The following SEC31B variants were observed in gnomAD, a reference collection of about 807,000 sequenced individuals.
SEC31B encodes protein transport protein Sec31B.
In SEC31B, 113 loss-of-function variants were observed where a neutral mutation model predicts 135.0. The ratio of observed to expected loss-of-function variants is 0.84; its 90% CI spans 0.72 to 0.98. The LOEUF is 0.98. Among genes scored for constraint, SEC31B ranks in the 50% least tolerant of loss-of-function variants. SEC31B has a pLI of 0.00. For synonymous variants in SEC31B, 508 were observed against 549.4 expected (o/e 0.92, Z 1.05); for missense variants, 1,296 against 1,421.1 (o/e 0.91, Z 1.42).
At chr10:100,498,673 G>C (rs765646315) in intron 14 of SEC31B, 32 bp downstream of exon 14, 1 of 1,527,882 alleles carries the variant, frequency 6.5e-7, no homozygotes, top group East Asian at 2.2e-5. Context: ...GTCCTAAGCA[G>C]AGACTCTCCC....
At chr10:100,516,318 T>A (rs1367406588) in intron 2 of SEC31B, 99 bp from the exon 3 acceptor site, 19 of 1,364,796 alleles carry the variant, frequency 1.4e-5, no homozygotes, top group Non-Finnish European at 1.8e-5. Context: ...AGAAGAGGGC[T>A]GGGTATACCC....
chr10:100,495,694 GT>G, intron 18 of SEC31B, 148 bp from the exon 19 acceptor site: 1 of 947,888 alleles, frequency 1.1e-6, no homozygotes, highest in Non-Finnish European at 1.6e-6. Context: ...GTTTTGTTTT[GT>G]TTTAGGTTTT....
intron 19 of SEC31B, among the ~76,000 whole-genome samples, chr10:100,494,144 G>A (rs1378478335): frequency 6.6e-6 from 1 of 152,052 alleles, no homozygotes; most frequent in African/African-American, 2.4e-5. Context: ...GGCAGCTCTA[G>A]CAAGCTTCTG....
Position 100,502,440 on chromosome 10 carries a change from G to T in SEC31B, c.1224C>A (p.Ala408=), listed in dbSNP as rs775645761. 1 of 1,614,040 alleles carries T rather than the reference G, an allele frequency of 6.2e-7. No homozygotes were observed. Among genetic ancestry groups the T allele is most frequent in the Admixed American group, 1.7e-5 (1 of 60,018 alleles). ...GGGGGCAAGGCTGTGGCACCAGATGGGCAGGGGTGCTGGGGAGGCCAAAAG... is the reference window on the plus strand; with the variant it reads ...GGGGGCAAGGCTGTGGCACCAGATGTGCAGGGGTGCTGGGGAGGCCAAAAG... The part of the protein sequence containing the change: ...LVTFGLPSTP[A]HLVPQPCPRL... Residue 408 remains alanine (A), a synonymous_variant, in exon 11 of 26, where the codon GCC becomes GCA. Coordinates refer to ENST00000370345, the MANE Select transcript of SEC31B (RefSeq NM_015490.4).
rs1851921159 is a variant in SEC31B at position 100,519,810 on chromosome 10, G to A, written c.-74C>T. 6.6e-6 allele frequency: 1 copy of A among 152,318 alleles called. No individual in the cohort carries two copies. Among genetic ancestry groups the A allele is most frequent in the Admixed American group, 6.5e-5 (1 of 15,290 alleles). The allele number at this position is 152,318 out of a possible 1,614,324, so 9.4% of individuals were successfully genotyped here. A position where few individuals can be genotyped will look rare whatever the true frequency, so the allele number is the denominator to read the frequency against. On this transcript the variant is annotated 5_prime_UTR_variant, in exon 1 of 26. Coordinates refer to ENST00000370345, the MANE Select transcript of SEC31B (RefSeq NM_015490.4). ...TGCGGAAGACCCCGGACAAGGGTCA[G>A]GCGCGGCGGCCGGAGCCGCTCCTCT...
Position 100,497,275 on chromosome 10 carries a change from G to C in SEC31B, c.1996C>G (p.Leu666Val), listed in dbSNP as rs1322469055. 6 of 1,613,876 alleles carry C rather than the reference G, an allele frequency of 3.7e-6. No homozygotes were observed. Among genetic ancestry groups the C allele is most frequent in the Non-Finnish European group, 5.1e-6 (6 of 1,179,798 alleles). ...TEKFPELCDM[L>V]GTRMEQEGSR... is the part of the protein sequence containing the mutation. Reference sequence around the variant, plus strand: ...CCCTCCTGTTCCATGCGAGTTCCCAGCATGTCTGCAGAGAGAGGGTAATTT... The same window carrying C: ...CCCTCCTGTTCCATGCGAGTTCCCACCATGTCTGCAGAGAGAGGGTAATTT... The change falls in exon 17 of 26, where the codon CTG (leucine) becomes GTG (valine). Residue 666 changes from leucine (L) to valine (V), a missense_variant. Coordinates refer to ENST00000370345, the MANE Select transcript of SEC31B (RefSeq NM_015490.4).
Position 100,516,879 on chromosome 10 carries a change from G to T in SEC31B, c.74C>A (p.Ala25Asp). ...AATTCACAGTGTCACCATACCTGTG[G>T]CCAGATACAAAGGGTATTGGCTGGC... The part of the protein sequence containing the change: ...SPASQYPLYL[A>D]TGTSAQQLDS... Residue 25 changes from alanine to aspartate, a missense_variant, in exon 2 of 26, where the codon GCC becomes GAC. Transcript: ENST00000370345. 6.2e-7 allele frequency: 1 copy of T among 1,613,046 alleles called. No individual in the cohort carries two copies. Among genetic ancestry groups the T allele is most frequent in the Non-Finnish European group, 8.5e-7 (1 of 1,179,136 alleles).
chr10:100,491,427 C>A (rs1212285607), intron 19 of SEC31B, among the ~76,000 whole-genome samples: 1 of 152,156 alleles, frequency 6.6e-6, no homozygotes, highest in Non-Finnish European at 1.5e-5. Flanking sequence ...ATGCCAGCAA[C>A]AGAAAAAGAT....
chr10:100,487,293 A>G lies in SEC31B; in HGVS notation c.*323T>C, dbSNP rs377443243. 1.7e-4 allele frequency: 53 copies of G among 306,512 alleles called. No individual in the cohort carries two copies. Among genetic ancestry groups the G allele is most frequent in the African/African-American group, 8.4e-4 (38 of 45,350 alleles). 19.0% of individuals were successfully genotyped at this position (306,512 alleles called of 1,614,324 possible). ...TAACAATCCTGTTCACCCTCTCAGA[A>G]GCCACTTAAATAGAAGATCCCTGGG... On this transcript the variant is annotated 3_prime_UTR_variant, in exon 26 of 26. Transcript: ENST00000370345.
intron 6 of SEC31B, 63 bp downstream of exon 6, chr10:100,507,845 C>A: frequency 6.2e-7 from 1 of 1,605,116 alleles, no homozygotes; most frequent in South Asian, 1.1e-5. Context: ...CAGAGCAGCT[C>A]TAACTGCTAG....
intron 23 of SEC31B, 39 bp from the exon 24 acceptor site, chr10:100,489,013 A>C: frequency 6.4e-7 from 1 of 1,567,690 alleles, no homozygotes; most frequent in Non-Finnish European, 8.6e-7. Context: ...CAGAGGGGCA[A>C]GCTGTCCTTC....
intron 7 of SEC31B, among the ~76,000 whole-genome samples, 160 bp downstream of exon 7, chr10:100,507,265 G>A (rs1417183032): frequency 1.3e-5 from 2 of 152,210 alleles, no homozygotes; most frequent in African/African-American, 4.8e-5. Context: ...CCTCCTCTTG[G>A]TTAAGGCTGG....
In SEC31B at chr10:100,497,203, C is replaced by T; in HGVS notation, c.2068G>A (p.Gly690Arg). The change falls in exon 17 of 26, where the codon GGG becomes AGG. Residue 690 changes from glycine (G) to arginine (R), a missense_variant. Transcript: ENST00000370345. Reference sequence around the variant, plus strand: ...CACTCCACCAGCCGCTCCACACTCCCTGAGCACACATAACAGAGTCTGGCT... The same window carrying T: ...CACTCCACCAGCCGCTCCACACTCCTTGAGCACACATAACAGAGTCTGGCT... The part of the protein sequence containing the change: ...SEARLCYVCS[G>R]SVERLVECWA... 6.2e-7 allele frequency: 1 copy of T among 1,614,244 alleles called. No homozygotes were observed. Among genetic ancestry groups the T allele is most frequent in the African/African-American group, 1.3e-5 (1 of 75,048 alleles).
chr10:100,490,069 C>T lies in SEC31B; in HGVS notation c.2904G>A (p.Gly968=). 9 of 1,567,760 alleles carry T rather than the reference C, an allele frequency of 5.7e-6. No homozygotes were observed. Among genetic ancestry groups the T allele is most frequent in the Non-Finnish European group, 7.8e-6 (9 of 1,160,698 alleles). Residue 968 remains glycine (G), a synonymous_variant, in exon 21 of 26, where the codon GGG becomes GGA. Coordinates refer to ENST00000370345, the MANE Select transcript of SEC31B (RefSeq NM_015490.4). ...PASFPVPYLP[G]DPGAPCSSVL... ...CACTAGAGCATGGGGCACCTGGGTC[C>T]CCTGGAAGGTATGGCACAGGGAAGC...
intron 11 of SEC31B, among the ~76,000 whole-genome samples, chr10:100,501,451 C>T (rs1358861585): frequency 1.3e-5 from 2 of 152,174 alleles, no homozygotes; most frequent in African/African-American, 2.4e-5. Flanking sequence ...CATTCTCTGG[C>T]TTCACTGTAT....
chr10:100,498,623 G>C (rs757045595), intron 14 of SEC31B, 82 bp downstream of exon 14: 5 of 981,374 alleles, frequency 5.1e-6, no homozygotes, highest in Non-Finnish European at 7.9e-6. Context: ...CAGGGGACAA[G>C]AAGGGAATGT....
In SEC31B at chr10:100,488,182, G is replaced by A. The variant is rs571692197; in HGVS notation, c.3289-84C>T. ...ATAAAGAATCACAGCATATTAGGCC[G>A]GGCATGGTGGCTCACGCCTGTAATC... On this transcript the variant is annotated intron_variant, in intron 24 of 25. Coordinates refer to ENST00000370345, the MANE Select transcript of SEC31B (RefSeq NM_015490.4). 35 of 1,271,960 alleles carry A rather than the reference G, an allele frequency of 2.8e-5. 1 individual carries two copies. Among genetic ancestry groups the A allele is most frequent in the South Asian group, 4.9e-5 (4 of 82,348 alleles). The allele number at this position is 1,271,960 out of a possible 1,614,324, so 78.8% of individuals were successfully genotyped here.
At position 100,489,728 on chromosome 10, in the gene SEC31B, G is replaced by C. The variant is rs779579756; in HGVS notation, c.2999C>G (p.Pro1000Arg). The change falls in exon 22 of 26, where the codon CCC becomes CGC. Residue 1000 changes from proline (P) to arginine (R), a missense_variant. Coordinates refer to ENST00000370345, the MANE Select transcript of SEC31B (RefSeq NM_015490.4). ...PQDSWKEAPA[P>R]RGNLQRNKLP... ...CTTGTTCCTCTGGAGGTTTCCCCTG[G>C]GGGCTGGGGCTTCTTTCCAGGAATC... 1 of 1,614,138 alleles carries C rather than the reference G, an allele frequency of 6.2e-7. No individual in the cohort carries two copies. Among genetic ancestry groups the C allele is most frequent in the Non-Finnish European group, 8.5e-7 (1 of 1,180,020 alleles).
At chr10:100,488,197 C>G in intron 24 of SEC31B, 99 bp from the exon 25 acceptor site, 1 of 1,087,932 alleles carries the variant, frequency 9.2e-7, no homozygotes, top group South Asian at 1.3e-5. Context: ...TGGTGGCTCA[C>G]GCCTGTAATC....
Sources: allele counts gnomAD v4.1 joint callset (sites outside exome capture counted in the v4.1 genomes callset), GRCh38; gene constraint gnomAD v4.1.1; transcripts MANE v1.5; gene names NCBI Gene and HGNC (gene_info 2026-07-23, HGNC 2026-07-21).